MGAM: variants seen among roughly 807,000 people sequenced by gnomAD.
The protein encoded by MGAM is alpha-1,4-glucosidase.
A neutral mutation model predicts 358.8 loss-of-function variants in MGAM; 253 were observed. The ratio of observed to expected loss-of-function variants is 0.71; its 90% confidence interval spans 0.64 to 0.78. MGAM has a LOEUF of 0.78. Among genes scored for constraint, MGAM ranks in the 30% least tolerant of loss-of-function variants. The pLI, the probability that MGAM is intolerant of heterozygous loss-of-function variation, is 0.00. For synonymous variants in MGAM, 1,105 were observed against 1,227.1 expected, an observed-to-expected ratio of 0.90 and a Z score of 2.08; for missense variants, 3,080 against 3,432.6, an observed-to-expected ratio of 0.90 and a Z score of 2.57.
intron 59 of MGAM, among the ~76,000 whole-genome samples, chr7:142,092,977 T>C (rs1259192207): frequency 6.8e-6 from 1 of 146,446 alleles, no homozygotes. Context: ...TGATGGACTT[T>C]GGAGTTACAC....
At position 142,030,508 on chromosome 7, in the gene MGAM, CTT is replaced by C. The variant is rs782367506; in HGVS notation, c.1353+17_1353+18del. ...TCATCATTGTGGTATGTACTGCCCTCTTTCCACCAAATTAGGTATTTGCTCCT... is the reference window on the plus strand; with the variant it reads ...TCATCATTGTGGTATGTACTGCCCTCTCCACCAAATTAGGTATTTGCTCCT... On this transcript the variant is annotated intron_variant, in intron 11 of 70. Transcript: ENST00000475668. 1 of 1,613,296 alleles carries C rather than the reference CTT, an allele frequency of 6.2e-7. No individual in the cohort carries two copies. Among genetic ancestry groups the C allele is most frequent in the East Asian group, 2.2e-5 (1 of 44,838 alleles).
intron 2 of MGAM, among the ~76,000 whole-genome samples, chr7:141,988,800 A>G (rs1273747539): frequency 6.6e-6 from 1 of 152,196 alleles, no homozygotes; most frequent in Non-Finnish European, 1.5e-5. Context: ...AAGCTGCTAA[A>G]TAATAGACAT....
rs1471485437 is a variant in MGAM at position 142,105,870 on chromosome 7, G to T, written c.8241G>T (p.Leu2747Phe). The change falls in exon 71 of 71, where the codon TTG becomes TTT. Residue 2747 changes from leucine (L) to phenylalanine (F), a missense_variant. By Grantham distance (22) the Leu-to-Phe change is conservative. Coordinates refer to ENST00000475668, the MANE Select transcript of MGAM (RefSeq NM_001365693.1). Reference protein sequence around the residue: ...RNISLHNFTSLTWISTL With the variant: ...RNISLHNFTSFTWISTL ...TCAGCCTACATAATTTTACTTCATT[G>T]ACGTGGATAAGCACTCTGTGAATTT... The T allele has an allele frequency of 1.2e-6, 2 of 1,612,470 alleles. No individual in the cohort carries two copies.
At chr7:142,054,705 A>G in intron 26 of MGAM, 49 bp from the exon 27 acceptor site, 1 of 1,597,918 alleles carries the variant, frequency 6.3e-7, no homozygotes. Context: ...CTAAGGGTAT[A>G]GGTTTCAAGA....
At chr7:142,073,380 G>C (rs61391456) in intron 44 of MGAM, among the ~76,000 whole-genome samples, 14,043 of 145,656 alleles carry the variant, frequency 0.096, 2,088 homozygotes, top group African/African-American at 0.23. Flanking sequence ...AGTCCAGTGA[G>C]AGACAGAGGA....
intron 1 of MGAM, among the ~76,000 whole-genome samples, chr7:142,000,818 T>TAAA (rs1554450378): frequency 3.9e-5 from 6 of 152,200 alleles, no homozygotes; most frequent in African/African-American, 1.4e-4. Context: ...TAATAGTTTT[T>TAAA]ACCAAGTCTT....
chr7:142,004,522 C>A (rs1804994223), intron 1 of MGAM: 1 of 151,860 alleles, frequency 6.6e-6, no homozygotes. Flanking sequence ...GTCATAGACA[C>A]TAGAGACTCC....
Position 142,036,270 on chromosome 7 carries a change from T to A in MGAM, c.2061T>A (p.Asn687Lys). 6.2e-7 allele frequency: 1 copy of A among 1,606,092 alleles called. No individual in the cohort carries two copies. Among genetic ancestry groups the A allele is most frequent in the Non-Finnish European group, 8.5e-7 (1 of 1,175,880 alleles). Residue 687 changes from asparagine (N) to lysine (K), a missense_variant, in exon 17 of 71, where the codon AAT becomes AAA. Coordinates refer to ENST00000475668, the MANE Select transcript of MGAM (RefSeq NM_001365693.1). Reference sequence around the variant, plus strand: ...TTTATCCGTTTTCTAGAAATCACAATGGCCAAGGCTACAAGGTAAGGCTCC... The same window carrying A: ...TTTATCCGTTTTCTAGAAATCACAAAGGCCAAGGCTACAAGGTAAGGCTCC... ...GAFYPFSRNH[N>K]GQGYKDQDPA...
rs543900522 is a variant in MGAM, at chr7:142,065,787, G to A, written c.4726G>A (p.Ala1576Thr). ...EMCVRWMQLG[A>T]FYPFSRNHNT... ...GTGTGTTCGCTGGATGCAGCTGGGG[G>A]CCTTTTACCCCTTCTCAAGAAACCA... is the stretch of plus-strand genomic sequence containing the variant. Residue 1576 changes from alanine (A) to threonine (T), a missense_variant, in exon 40 of 71, where the codon GCC becomes ACC. Physicochemically the swap from Ala to Thr is moderately conservative, Grantham distance 58 (BLOSUM62 0). Around this residue, in one of 5 missense-constraint regions of MGAM, gnomAD observed 134 missense variants for 198.4 expected, o/e 0.68. Coordinates refer to ENST00000475668, the MANE Select transcript of MGAM (RefSeq NM_001365693.1). 39 of 1,556,212 alleles carry A rather than the reference G, an allele frequency of 2.5e-5. 4 individuals are homozygous for A. In the South Asian group the frequency reaches 3.3e-4, roughly 13 times the overall value.
chr7:142,009,405 A>G (rs1527304), intron 3 of MGAM, among the ~76,000 whole-genome samples: 67,255 of 151,982 alleles, frequency 0.44, 16,067 homozygotes, highest in East Asian at 0.68. Flanking sequence ...CATATTGTGC[A>G]AGTTACTCAA....
chr7:142,067,068 C>A lies in MGAM; in HGVS notation c.4920-273C>A, dbSNP rs1415840465. ...AGCAAGAGAATTGAGGGACGAGGGC[C>A]ATCCTCACATTTAAAATGTGCCATG... is the stretch of plus-strand genomic sequence containing the variant. On this transcript the variant is annotated intron_variant, in intron 41 of 70. Transcript: ENST00000475668. 1.4e-5 allele frequency among the ~76,000 whole-genome samples: 2 copies of A among 145,928 alleles called. 1 individual carries two copies. The highest frequency in any genetic ancestry group is 3.1e-5 in the Non-Finnish European group (2 of 64,458).
In MGAM at chr7:142,056,024, C is replaced by T. The variant is rs768568411; in HGVS notation, c.3508C>T (p.His1170Tyr). Residue 1170 changes from histidine (H) to tyrosine (Y), a missense_variant, in exon 29 of 71, where the codon CAC becomes TAC. His to Tyr is a moderately conservative substitution (Grantham distance 83). This residue lies in a region of MGAM where 1,816 missense variants were observed against 1,840.5 expected (regional missense o/e 0.99). Transcript: ENST00000475668. ...GTACAAGAAGAATTCCTATGGTGTC[C>T]ACCCCTACTACATGGGGCTGGAGGA... Reference protein sequence around the residue: ...PGYKKNSYGVHPYYMGLEEDG... With the variant: ...PGYKKNSYGVYPYYMGLEEDG... 5.6e-6 allele frequency: 9 copies of T among 1,611,722 alleles called. No homozygotes were observed. The highest frequency in any genetic ancestry group is 2.2e-5 in the South Asian group (2 of 90,416).
chr7:142,026,944 G>C (rs533741217), intron 8 of MGAM, among the ~76,000 whole-genome samples, 171 bp from the exon 9 acceptor site: 6 of 152,324 alleles, frequency 3.9e-5, no homozygotes, highest in Admixed American at 3.9e-4. Flanking sequence ...GCCATGTGCT[G>C]TGAGGGTGGA....
chr7:142,059,462 C>A lies in MGAM; in HGVS notation c.3820-10C>A. On this transcript the variant is annotated splice_polypyrimidine_tract_variant and intron_variant, in intron 31 of 70. Coordinates refer to ENST00000475668, the MANE Select transcript of MGAM (RefSeq NM_001365693.1). ...GCAGCAGCCTCTCAGCTCCCCATGT[C>A]CTCCCGCAGGATGTGCAGTACTCAG... The A allele has an allele frequency of 2.5e-6, 4 of 1,604,572 alleles. No homozygotes were observed. Among genetic ancestry groups the A allele is most frequent in the Non-Finnish European group, 3.4e-6 (4 of 1,173,984 alleles).
intron 44 of MGAM, 134 bp from the exon 45 acceptor site, chr7:142,073,951 T>A: frequency 1.5e-6 from 1 of 674,340 alleles, no homozygotes; most frequent in Non-Finnish European, 2.6e-6. Context: ...GTCGATTTTG[T>A]GTTTGTACCT....
intron 3 of MGAM, among the ~76,000 whole-genome samples, chr7:142,008,914 G>A (rs1805383893): frequency 6.6e-6 from 1 of 152,070 alleles, no homozygotes; most frequent in African/African-American, 2.4e-5. Flanking sequence ...ATTCCCTTGG[G>A]TTGCCAGATT....
chr7:142,034,650 T>C lies in MGAM; in HGVS notation c.1788-20T>C. The C allele has an allele frequency of 6.2e-7, 1 of 1,609,214 alleles. No homozygotes were observed. The highest frequency in any genetic ancestry group is 8.5e-7 in the Non-Finnish European group (1 of 1,177,086). ...AAGCTAAGATCCCACATTGACTCCT[T>C]AAATCTCTCTCCCTTGCAGAGCTGC... is the stretch of plus-strand genomic sequence containing the variant. On this transcript the variant is annotated intron_variant, in intron 15 of 70. Transcript: ENST00000475668.
At chr7:142,066,100 A>C (rs1421603455) in intron 40 of MGAM, among the ~76,000 whole-genome samples, 1 of 144,828 alleles carries the variant, frequency 6.9e-6, no homozygotes, top group Non-Finnish European at 1.6e-5. Flanking sequence ...AATAGCTGGG[A>C]TAAAGGCACA....
chr7:142,065,405 T>A lies in MGAM; in HGVS notation c.4555T>A (p.Trp1519Arg). The A allele has an allele frequency of 6.2e-7, 1 of 1,610,874 alleles. No individual in the cohort carries two copies. Reference sequence around the variant, plus strand: ...CTCCACATTTCCCTCTTCTGGCCGCTGGGCAGGACATTGGCTGGGAGACAA... The same window carrying A: ...CTCCACATTTCCCTCTTCTGGCCGCAGGGCAGGACATTGGCTGGGAGACAA... ...TRSTFPSSGR[W>R]AGHWLGDNTA... Residue 1519 changes from tryptophan (W) to arginine (R), a missense_variant, in exon 38 of 71, where the codon TGG becomes AGG. By Grantham distance (101) the Trp-to-Arg change is moderately radical (BLOSUM62 -3). Coordinates refer to ENST00000475668, the MANE Select transcript of MGAM (RefSeq NM_001365693.1).
Sources: gnomAD v4.1 joint callset for allele counts (sites outside exome capture counted in the v4.1 genomes callset) on GRCh38, gnomAD v4.1.1 for gene constraint, gnomAD v4.1.1 regional missense constraint, MANE v1.5 for transcripts, NCBI Gene and HGNC (gene_info 2026-07-23, HGNC 2026-07-21) for gene names.